IFT81: variants seen among roughly 807,000 people sequenced by gnomAD.
IFT81 encodes the protein intraflagellar transport protein 81 homolog.
A neutral mutation model predicts 102.6 loss-of-function variants in IFT81; 72 were observed. That is an observed-to-expected ratio of 0.70 (90% confidence interval 0.58 to 0.85). The LOEUF is 0.85. Ranked by LOEUF, IFT81 falls within the 40% of genes least tolerant of loss-of-function variation. The pLI is 0.00. For synonymous variants in IFT81, 237 were observed against 242.7 expected (o/e 0.98, Z 0.22); for missense variants, 723 against 787.3 (o/e 0.92, Z 0.98).
intron 14 of IFT81, among the ~76,000 whole-genome samples, chr12:110,194,622 A>G (rs1593360381): frequency 6.6e-6 from 1 of 152,202 alleles, no homozygotes; most frequent in Non-Finnish European, 1.5e-5. Context: ...TTTCAATGAA[A>G]TATCTATTAT....
chr12:110,199,297 G>A (rs910813626), intron 14 of IFT81, among the ~76,000 whole-genome samples: 4 of 152,122 alleles, frequency 2.6e-5, no homozygotes, highest in Admixed American at 6.6e-5. Context: ...GGGACTGTGA[G>A]CTTTCATTAA....
intron 11 of IFT81, among the ~76,000 whole-genome samples, chr12:110,178,170 T>G (rs1221920861): frequency 5.4e-5 from 8 of 148,784 alleles, no homozygotes; most frequent in Non-Finnish European, 1.2e-4. Flanking sequence ...TCCCAGCACT[T>G]TGGGAGGCCA....
intron 9 of IFT81, among the ~76,000 whole-genome samples, chr12:110,146,710 TG>T (rs1895244086): frequency 2.0e-5 from 3 of 152,250 alleles, no homozygotes; most frequent in Admixed American, 2.0e-4. Context: ...GGCTCACGTC[TG>T]TAATCCCAGC....
chr12:110,141,953 T>G (rs1894917320), intron 8 of IFT81, among the ~76,000 whole-genome samples: 1 of 152,198 alleles, frequency 6.6e-6, no homozygotes, highest in Admixed American at 6.5e-5. Context: ...AAATAAACTT[T>G]GTAAATCTCT....
intron 11 of IFT81, among the ~76,000 whole-genome samples, chr12:110,163,725 C>T (rs1185139093): frequency 6.6e-6 from 1 of 150,716 alleles, no homozygotes; most frequent in Non-Finnish European, 1.5e-5. Flanking sequence ...AAGTGATTCT[C>T]CTACCTCAGC....
chr12:110,129,683 T>C (rs1271262209), intron 4 of IFT81, among the ~76,000 whole-genome samples: 1 of 152,142 alleles, frequency 6.6e-6, no homozygotes, highest in Non-Finnish European at 1.5e-5. Context: ...GCCAAGGTTT[T>C]GGAGTAACAT....
At chr12:110,179,771 TATAC>T (rs1347498561) in intron 11 of IFT81, among the ~76,000 whole-genome samples, 19 of 52,750 alleles carry the variant, frequency 3.6e-4, no homozygotes, top group Admixed American at 1.1e-3. Context: ...TATATATATA[TATAC>T]ACACACACAC....
chr12:110,127,276 A>G, intron 1 of IFT81, 84 bp from the exon 2 acceptor site: 2 of 1,217,058 alleles, frequency 1.6e-6, no homozygotes, highest in East Asian at 5.8e-5. Flanking sequence ...TTTCATGCCT[A>G]CGTTGTATGA....
At chr12:110,157,854 G>T (rs1895926477) in intron 10 of IFT81, among the ~76,000 whole-genome samples, 1 of 151,868 alleles carries the variant, frequency 6.6e-6, no homozygotes, top group Non-Finnish European at 1.5e-5. Context: ...GCACTTTTTA[G>T]CTCCAGGATT....
chr12:110,146,776 C>T (rs528278822), intron 9 of IFT81, among the ~76,000 whole-genome samples, 177 bp from the exon 10 acceptor site: 91 of 151,954 alleles, frequency 6.0e-4, no homozygotes, highest in African/African-American at 2.1e-3. Flanking sequence ...CAAAATCAGT[C>T]TGGGCAACAT....
chr12:110,180,658 C>T, intron 12 of IFT81, 87 bp downstream of exon 12: 1 of 900,754 alleles, frequency 1.1e-6, no homozygotes, highest in Non-Finnish European at 1.6e-6. Context: ...ATTGTTTTTA[C>T]TGGAAAAATG....
chr12:110,141,159 C>A (rs572356986), intron 8 of IFT81, among the ~76,000 whole-genome samples: 1 of 152,066 alleles, frequency 6.6e-6, no homozygotes, highest in Non-Finnish European at 1.5e-5. Context: ...TCTACAGCCT[C>A]CAGAGTAGCT....
At position 110,136,942 on chromosome 12, in the gene IFT81, G is replaced by A. The variant is rs576672201; in HGVS notation, c.781+82G>A. 427 of 836,262 alleles carry A rather than the reference G, an allele frequency of 5.1e-4. 4 individuals carry two copies. The African/African-American group carries it at 6.7e-3, about 13-fold the overall frequency. The allele number at this position is 836,262 out of a possible 1,614,324, so 51.8% of individuals were successfully genotyped here. A position where few individuals can be genotyped will look rare whatever the true frequency, so the allele number is the denominator to read the frequency against. ...ATCTTCCTAAAAAATCAATTTGTGA[G>A]AATTAGTTATCATCAAGTGATGTCT... is the stretch of plus-strand genomic sequence containing the variant. On this transcript the variant is annotated intron_variant, in intron 8 of 18. Coordinates refer to ENST00000242591, the MANE Select transcript of IFT81 (RefSeq NM_014055.4).
chr12:110,136,947 A>T (rs182385345), intron 8 of IFT81, 87 bp downstream of exon 8: 282 of 790,948 alleles, frequency 3.6e-4, no homozygotes, highest in Middle Eastern at 1.2e-3. Flanking sequence ...TGTGAGAATT[A>T]GTTATCATCA....
At chr12:110,149,624 G>A (rs549496133) in intron 10 of IFT81, among the ~76,000 whole-genome samples, 13 of 152,252 alleles carry the variant, frequency 8.5e-5, no homozygotes, top group African/African-American at 2.9e-4. Flanking sequence ...AGGGGAGCCC[G>A]AAGGGAGATG....
chr12:110,142,533 A>G lies in IFT81; in HGVS notation c.782-849A>G, dbSNP rs142454522. 3.3e-3 allele frequency among the ~76,000 whole-genome samples: 509 copies of G among 152,228 alleles called. 4 individuals are homozygous for G. Among genetic ancestry groups the G allele is most frequent in the African/African-American group, 0.012 (494 of 41,524 alleles). ...ATGTCTTCATTGGCTTGAAGCTGAC[A>G]AATGATAATGAATTATCATTTATGA... is the stretch of plus-strand genomic sequence containing the variant. On this transcript the variant is annotated intron_variant, in intron 8 of 18. Transcript: ENST00000242591.
chr12:110,198,830 A>AG (rs2137568787), intron 14 of IFT81, among the ~76,000 whole-genome samples: 1 of 133,794 alleles, frequency 7.5e-6, no homozygotes, highest in Non-Finnish European at 1.6e-5. Context: ...TTTTTTCTTG[A>AG]GACAGAGTCT....
chr12:110,163,439 C>T (rs1164763544), intron 11 of IFT81, among the ~76,000 whole-genome samples: 1 of 151,956 alleles, frequency 6.6e-6, no homozygotes, highest in Non-Finnish European at 1.5e-5. Flanking sequence ...CAGAGTTTTA[C>T]CATGTTGGCC....
intron 11 of IFT81, among the ~76,000 whole-genome samples, chr12:110,173,082 C>T (rs1443844722): frequency 2.1e-5 from 3 of 145,332 alleles, no homozygotes; most frequent in African/African-American, 5.1e-5. Context: ...AGGAGCCCCT[C>T]TGCCCGACCA....
Sources: gnomAD v4.1 joint callset for allele counts (sites outside exome capture counted in the v4.1 genomes callset) on GRCh38, gnomAD v4.1.1 for gene constraint, MANE v1.5 for transcripts, NCBI Gene and HGNC (gene_info 2026-07-23, HGNC 2026-07-21) for gene names.